Variants in OCA2 observed in about 807,000 individuals in gnomAD.
OCA2 encodes P protein.
In OCA2, 77 loss-of-function variants were observed where a neutral mutation model predicts 100.2. The observed-to-expected ratio is 0.77, with a 90% CI of 0.64 to 0.93. OCA2 has a LOEUF of 0.93. Among genes scored for constraint, OCA2 ranks in the 40% least tolerant of loss-of-function variants. OCA2 has a pLI of 0.00. For synonymous variants in OCA2, 432 were observed against 439.2 expected, an observed-to-expected ratio of 0.98 and a Z score of 0.21; for missense variants, 1,062 against 1,089.1, an observed-to-expected ratio of 0.98 and a Z score of 0.35.
chr15:27,900,918 A>G (rs903602809), intron 19 of OCA2, among the ~76,000 whole-genome samples: 2 of 152,228 alleles, frequency 1.3e-5, no homozygotes, highest in Non-Finnish European at 2.9e-5. Context: ...ACGTATCTGA[A>G]GTGGTGGCAG....
intron 6 of OCA2, among the ~76,000 whole-genome samples, chr15:28,020,120 C>T (rs1360275061): frequency 1.3e-5 from 2 of 152,074 alleles, no homozygotes; most frequent in Non-Finnish European, 2.9e-5. Flanking sequence ...CAGCTCCCCG[C>T]CCCCACCCAT....
intron 23 of OCA2, among the ~76,000 whole-genome samples, chr15:27,824,050 T>C (rs1189975026): frequency 1.3e-5 from 2 of 152,206 alleles, no homozygotes; most frequent in African/African-American, 4.8e-5. Flanking sequence ...AAATATTTGT[T>C]AACTTTAAAG....
chr15:27,944,204 C>T (rs576781324), intron 18 of OCA2, among the ~76,000 whole-genome samples: 14 of 152,276 alleles, frequency 9.2e-5, no homozygotes, highest in African/African-American at 3.4e-4. Flanking sequence ...CTGAAACCAC[C>T]TTTGCAAAAA....
At chr15:28,065,097 C>A (rs565659203) in intron 2 of OCA2, among the ~76,000 whole-genome samples, 1 of 152,130 alleles carries the variant, frequency 6.6e-6, no homozygotes, top group African/African-American at 2.4e-5. Context: ...AGAGAAAACA[C>A]AAAACCAAAG....
At chr15:28,067,487 A>G (rs1054355572) in intron 2 of OCA2, among the ~76,000 whole-genome samples, 5 of 152,130 alleles carry the variant, frequency 3.3e-5, no homozygotes, top group Non-Finnish European at 5.9e-5. Flanking sequence ...TAGGGCTACA[A>G]TCTTTCTTCC....
intron 18 of OCA2, among the ~76,000 whole-genome samples, chr15:27,939,804 A>G (rs555174251): frequency 6.6e-6 from 1 of 152,368 alleles, no homozygotes; most frequent in South Asian, 2.1e-4. Flanking sequence ...CAACAAGTGA[A>G]TGAACAAGCA....
intron 23 of OCA2, among the ~76,000 whole-genome samples, chr15:27,784,055 A>T (rs2032681963): frequency 6.6e-6 from 1 of 152,248 alleles, no homozygotes; most frequent in Non-Finnish European, 1.5e-5. Context: ...GCTGAAAGTT[A>T]ACCAGAATAG....
intron 21 of OCA2, among the ~76,000 whole-genome samples, chr15:27,853,447 T>A (rs1327401696): frequency 1.5e-5 from 2 of 129,392 alleles, no homozygotes; most frequent in Non-Finnish European, 3.3e-5. Context: ...GGGGGAGGGA[T>A]AGCATTGGGA....
At chr15:27,837,936 C>T (rs1224483194) in intron 23 of OCA2, among the ~76,000 whole-genome samples, 2 of 151,744 alleles carry the variant, frequency 1.3e-5, no homozygotes, top group Admixed American at 6.6e-5. Flanking sequence ...CTCCACCACA[C>T]TGACCAAAGA....
chr15:27,824,602 C>CTATATA (rs142689690), intron 23 of OCA2, among the ~76,000 whole-genome samples: 4 of 47,570 alleles, frequency 8.4e-5, no homozygotes, highest in African/African-American at 6.3e-4. Context: ...CTCTCTCTCT[C>CTATATA]TATATATATA....
At chr15:27,972,852 TATTTTATTTTA>T (rs2040840986) in intron 14 of OCA2, among the ~76,000 whole-genome samples, 1 of 143,410 alleles carries the variant, frequency 7.0e-6, no homozygotes, top group Non-Finnish European at 1.5e-5. Flanking sequence ...TATTTTATTT[TATTTTATTTTA>T]TTTTATTTTA....
At chr15:27,772,022 C>T (rs180988000) in intron 23 of OCA2, among the ~76,000 whole-genome samples, 1 of 152,286 alleles carries the variant, frequency 6.6e-6, no homozygotes, top group East Asian at 1.9e-4. Flanking sequence ...TATTCCCAAG[C>T]ACAGCGTCAA....
At chr15:27,750,471 G>A (rs2055292), downstream of OCA2, among the ~76,000 whole-genome samples, 1 of 152,076 alleles carries the variant, frequency 6.6e-6, no homozygotes, top group Non-Finnish European at 1.5e-5. Context: ...GGTTAATATT[G>A]GGCATATAGA....
intron 18 of OCA2, among the ~76,000 whole-genome samples, chr15:27,951,402 C>T (rs114569868): frequency 0.01 from 1,551 of 152,346 alleles, 28 homozygotes; most frequent in African/African-American, 0.035. Context: ...GCATGGTAGG[C>T]GGCACAGATG....
intron 19 of OCA2, among the ~76,000 whole-genome samples, chr15:27,879,869 G>A (rs188744436): frequency 1.2e-4 from 18 of 152,144 alleles, no homozygotes; most frequent in Non-Finnish European, 1.9e-4. Flanking sequence ...GATCCCATTC[G>A]TCAATTTTTG....
At chr15:27,861,460 G>C (rs140609149) in intron 21 of OCA2, among the ~76,000 whole-genome samples, 2 of 152,088 alleles carry the variant, frequency 1.3e-5, no homozygotes, top group African/African-American at 4.8e-5. Context: ...CCCTGCAGCC[G>C]TGAGTCTAGA....
At chr15:28,081,524 T>C in intron 2 of OCA2, 124 bp downstream of exon 2, 2 of 852,824 alleles carry the variant, frequency 2.3e-6, no homozygotes, top group Non-Finnish European at 3.9e-6. Context: ...AGTGATCTAA[T>C]GCTGGAAAAA....
intron 21 of OCA2, among the ~76,000 whole-genome samples, chr15:27,864,244 T>A (rs575536678): frequency 1.3e-5 from 2 of 152,292 alleles, no homozygotes; most frequent in African/African-American, 4.8e-5. Flanking sequence ...CCTCCTTAGC[T>A]TGCACAATGG....
In OCA2 at chr15:27,869,266, C is replaced by A. The variant is rs76400259; in HGVS notation, c.2244+1888G>T. ...AAGAGCCAGCATCCCACCCTCAGCACCCCCACAGCGGCCACTGCAGAGATG... is the reference window on the plus strand; with the variant it reads ...AAGAGCCAGCATCCCACCCTCAGCAACCCCACAGCGGCCACTGCAGAGATG... On this transcript the variant is annotated intron_variant, in intron 21 of 23. Coordinates refer to ENST00000354638, the MANE Select transcript of OCA2 (RefSeq NM_000275.3). Among the ~76,000 whole-genome samples the A allele has an allele frequency of 4.1e-3, 632 of 152,322 alleles. 6 individuals carry two copies. The highest frequency in any genetic ancestry group is 0.014 in the African/African-American group (597 of 41,570).
Sources: gnomAD v4.1 joint callset for allele counts (sites outside exome capture counted in the v4.1 genomes callset) on GRCh38, gnomAD v4.1.1 for gene constraint, MANE v1.5 for transcripts, NCBI Gene and HGNC (gene_info 2026-07-23, HGNC 2026-07-21) for gene names.